CENPP: variants seen among roughly 807,000 people sequenced by gnomAD.
The protein encoded by CENPP is centromere protein P.
Under a neutral mutation model 35.6 loss-of-function variants are expected in CENPP, and 24 were observed. That is an observed-to-expected ratio of 0.67 (90% CI 0.49 to 0.95). CENPP has a LOEUF of 0.95. Among genes scored for constraint, CENPP ranks in the 40% least tolerant of loss-of-function variants. The pLI, the probability that CENPP is intolerant of heterozygous loss-of-function variation, is 0.00. For synonymous variants in CENPP, 120 were observed against 125.5 expected (o/e 0.96, Z 0.29); for missense variants, 332 against 345.3 (o/e 0.96, Z 0.31).
rs539977395 is a variant in CENPP at position 92,574,890 on chromosome 9, C to G, written c.565-36424C>G. Among the ~76,000 whole-genome samples the G allele has an allele frequency of 4.6e-5, 7 of 152,280 alleles. No homozygotes were observed. In the South Asian group the frequency reaches 1.5e-3, roughly 32 times the overall value. ...AGACATTGGCTAATGGAATAGAATA[C>G]AGAGTCCAAAATGAACCCACCCGTA... On this transcript the variant is annotated intron_variant, in intron 5 of 7. Coordinates refer to ENST00000375587, the MANE Select transcript of CENPP (RefSeq NM_001012267.3).
chr9:92,452,966 T>G (rs900376514), intron 5 of CENPP, among the ~76,000 whole-genome samples: 7 of 152,214 alleles, frequency 4.6e-5, no homozygotes, highest in African/African-American at 1.7e-4. Flanking sequence ...CATTTTTTAT[T>G]GCGTCTATTT....
intron 5 of CENPP, among the ~76,000 whole-genome samples, chr9:92,559,878 G>A (rs1849810794): frequency 6.6e-6 from 1 of 152,180 alleles, no homozygotes; most frequent in Non-Finnish European, 1.5e-5. Flanking sequence ...AAGGAAACCA[G>A]TCTGGGCCTG....
At chr9:92,372,716 C>T (rs72752425) in intron 4 of CENPP, among the ~76,000 whole-genome samples, 4,676 of 152,132 alleles carry the variant, frequency 0.031, 111 homozygotes, top group South Asian at 0.084. Context: ...ATTTGGTTGC[C>T]AGTTATTTTC....
chr9:92,352,074 T>A (rs1224740387), intron 4 of CENPP, among the ~76,000 whole-genome samples: 2 of 149,244 alleles, frequency 1.3e-5, no homozygotes, highest in Admixed American at 6.7e-5. Context: ...GCACCATCTA[T>A]ATAAGATAGT....
At chr9:92,462,536 C>T (rs1845153303) in intron 5 of CENPP, among the ~76,000 whole-genome samples, 1 of 152,116 alleles carries the variant, frequency 6.6e-6, no homozygotes, top group East Asian at 1.9e-4. Flanking sequence ...AAATGCTCTC[C>T]TTTTTTCAAG....
intron 5 of CENPP, among the ~76,000 whole-genome samples, chr9:92,509,405 T>G (rs2131183703): frequency 6.6e-6 from 1 of 152,314 alleles, no homozygotes; most frequent in South Asian, 2.1e-4. Context: ...CTTAGTTTTG[T>G]TTTTAGGTTC....
intron 5 of CENPP, among the ~76,000 whole-genome samples, chr9:92,396,940 C>T (rs1842915994): frequency 6.6e-6 from 1 of 151,992 alleles, no homozygotes; most frequent in Non-Finnish European, 1.5e-5. Context: ...CTTTTAGAGG[C>T]TGAGGCAGGT....
chr9:92,594,272 C>T (rs1305202939), intron 5 of CENPP, among the ~76,000 whole-genome samples: 1 of 152,146 alleles, frequency 6.6e-6, no homozygotes, highest in African/African-American at 2.4e-5. Context: ...TCTGGTCTCC[C>T]TCCATTCTTA....
At chr9:92,514,848 A>C (rs762503486) in intron 5 of CENPP, 3 of 1,608,306 alleles carry the variant, frequency 1.9e-6, no homozygotes, top group African/African-American at 1.4e-5. Flanking sequence ...CACCCTCCTC[A>C]CCCTCCTCCT....
At chr9:92,509,630 G>T (rs775848775) in intron 5 of CENPP, among the ~76,000 whole-genome samples, 2 of 152,174 alleles carry the variant, frequency 1.3e-5, no homozygotes, top group Non-Finnish European at 2.9e-5. Flanking sequence ...TGGATTTGTA[G>T]TAAATTTATT....
Position 92,531,117 on chromosome 9 carries a change from A to G in CENPP, c.565-80197A>G, listed in dbSNP as rs752361369. Among the ~76,000 whole-genome samples, 40 of 152,072 alleles carry G rather than the reference A, an allele frequency of 2.6e-4. 1 individual carries two copies. Among genetic ancestry groups the G allele is most frequent in the Non-Finnish European group, 4.3e-4 (29 of 67,990 alleles). On this transcript the variant is annotated intron_variant, in intron 5 of 7. Transcript: ENST00000375587. ...TTTAATTGGAACATTTAGGCTGTTT[A>G]TATTTAATGTAAAATTTAATGTTTG...
intron 5 of CENPP, among the ~76,000 whole-genome samples, chr9:92,567,397 G>GATATATATATAT (rs762810461): frequency 3.9e-5 from 2 of 51,584 alleles, no homozygotes; most frequent in Non-Finnish European, 7.7e-5. Flanking sequence ...TATATATATA[G>GATATATATATAT]ATATATATAT....
intron 5 of CENPP, among the ~76,000 whole-genome samples, chr9:92,421,264 T>C (rs1468288612): frequency 6.6e-6 from 1 of 152,190 alleles, no homozygotes; most frequent in Non-Finnish European, 1.5e-5. Context: ...GGTCATGAAC[T>C]TCTGGGCTCA....
chr9:92,437,201 T>G (rs1235618428), intron 5 of CENPP, among the ~76,000 whole-genome samples: 1 of 152,152 alleles, frequency 6.6e-6, no homozygotes, highest in Non-Finnish European at 1.5e-5. Flanking sequence ...AAACTCTGTC[T>G]CAAAAATAAA....
chr9:92,391,827 G>A (rs1842700596), intron 5 of CENPP, among the ~76,000 whole-genome samples: 1 of 152,130 alleles, frequency 6.6e-6, no homozygotes, highest in Non-Finnish European at 1.5e-5. Flanking sequence ...GAAAGCCCAT[G>A]AAAGCACAAT....
At chr9:92,410,757 T>G (rs1843423103) in intron 5 of CENPP, among the ~76,000 whole-genome samples, 1 of 152,214 alleles carries the variant, frequency 6.6e-6, no homozygotes, top group Non-Finnish European at 1.5e-5. Context: ...CCAGATGTGC[T>G]ACAGTGAGCC....
intron 5 of CENPP, among the ~76,000 whole-genome samples, chr9:92,558,932 G>A (rs1849785572): frequency 6.6e-6 from 1 of 152,004 alleles, no homozygotes; most frequent in Non-Finnish European, 1.5e-5. Flanking sequence ...GCAGTCACAG[G>A]CCTCACCCAG....
At chr9:92,585,552 A>G (rs1850520318) in intron 5 of CENPP, among the ~76,000 whole-genome samples, 1 of 152,218 alleles carries the variant, frequency 6.6e-6, no homozygotes, top group Non-Finnish European at 1.5e-5. Flanking sequence ...GTTGTATGGC[A>G]AGCTTATGTT....
At chr9:92,575,765 T>C (rs920836342) in intron 5 of CENPP, among the ~76,000 whole-genome samples, 15 of 151,794 alleles carry the variant, frequency 9.9e-5, no homozygotes, top group Admixed American at 9.8e-4. Context: ...TGAGCCGAGA[T>C]TGCACCACTG....
Sources: allele counts gnomAD v4.1 joint callset (sites outside exome capture counted in the v4.1 genomes callset), GRCh38; gene constraint gnomAD v4.1.1; transcripts MANE v1.5; gene names NCBI Gene and HGNC (gene_info 2026-07-23, HGNC 2026-07-21).